NAP1L4: variants seen among roughly 807,000 people sequenced by gnomAD.
The protein encoded by NAP1L4 is nucleosome assembly protein 1-like 4.
A neutral mutation model predicts 58.2 loss-of-function variants in NAP1L4; 15 were observed. That is an observed-to-expected ratio of 0.26 (90% CI 0.17 to 0.40). The LOEUF is 0.40. NAP1L4 is among the 10% of genes least tolerant of loss of function. NAP1L4 has a pLI of 1.00. For synonymous variants in NAP1L4, 171 were observed against 155.6 expected, an observed-to-expected ratio of 1.10 and a Z score of -0.74; for missense variants, 384 against 451.1, an observed-to-expected ratio of 0.85 and a Z score of 1.35.
At chr11:2,952,337 C>A (rs1846276997) in intron 12 of NAP1L4, 1 of 154,442 alleles carries the variant, frequency 6.5e-6, no homozygotes, top group Non-Finnish European at 1.4e-5. Flanking sequence ...TGAACCTCCA[C>A]CATTAGTCAA....
intron 8 of NAP1L4, 42 bp downstream of exon 8, chr11:2,964,638 G>C (rs1236572951): frequency 6.5e-7 from 1 of 1,526,966 alleles, no homozygotes; most frequent in Admixed American, 1.7e-5. Context: ...TTTGTGGACT[G>C]ACCCTGTCTG....
At chr11:2,961,322 G>T (rs796684067) in intron 8 of NAP1L4, among the ~76,000 whole-genome samples, 11 of 152,218 alleles carry the variant, frequency 7.2e-5, no homozygotes, top group African/African-American at 2.6e-4. Context: ...AGCAGGATCT[G>T]GCTAGGAGCT....
In NAP1L4 at chr11:2,951,595, G is replaced by A. The variant is rs565760884; in HGVS notation, c.1065+185C>T. Among the ~76,000 whole-genome samples, 120 of 152,262 alleles carry A rather than the reference G, an allele frequency of 7.9e-4. No individual in the cohort carries two copies. Among genetic ancestry groups the A allele is most frequent in the African/African-American group, 2.8e-3 (115 of 41,548 alleles). ...ATGAACCAACTGCAGGGTCAAAAAC[G>A]ATGGAAACTGTCACAGCATTTGCTA... is the stretch of plus-strand genomic sequence containing the variant. On this transcript the variant is annotated intron_variant, in intron 13 of 15. Coordinates refer to ENST00000380542, the MANE Select transcript of NAP1L4 (RefSeq NM_005969.4). This position sits in a 1 kb window ranked among gnomAD's most constrained non-coding sequence, Gnocchi z 4.0.
rs139886428 is a variant in NAP1L4 at position 2,975,557 on chromosome 11, C to T, written c.173+467G>A. On this transcript the variant is annotated intron_variant, in intron 4 of 15. Coordinates refer to ENST00000380542, the MANE Select transcript of NAP1L4 (RefSeq NM_005969.4). ...ACCAGCCTAGGAAATACAGTGAGACCCCATCTTTTTTTTTTTCTTAAAGAC... is the reference window on the plus strand; with the variant it reads ...ACCAGCCTAGGAAATACAGTGAGACTCCATCTTTTTTTTTTTCTTAAAGAC... Among the ~76,000 whole-genome samples the T allele has an allele frequency of 2.9e-3, 440 of 152,018 alleles. 5 individuals carry two copies. Among genetic ancestry groups the T allele is most frequent in the African/African-American group, 0.01 (420 of 41,450 alleles).
In NAP1L4 at chr11:2,945,602, C is replaced by CTTCCTACT. The variant is rs1564969320; in HGVS notation, c.*76_*77insAGTAGGAA. The CTTCCTACT allele has an allele frequency of 2.1e-5, 33 of 1,536,046 alleles. No individual in the cohort carries two copies. Among genetic ancestry groups the CTTCCTACT allele is most frequent in the Non-Finnish European group, 2.9e-5 (33 of 1,146,858 alleles). Reference sequence around the variant, plus strand: ...AGCCGGTCTGCCAGGCACCCGCCTCCGCTTCCTACTGCTGCTTGCATTCCG... The same window carrying CTTCCTACT: ...AGCCGGTCTGCCAGGCACCCGCCTCCTTCCTACTGCTTCCTACTGCTGCTTGCATTCCG... On this transcript the variant is annotated 3_prime_UTR_variant, in exon 16 of 16. Transcript: ENST00000380542.
Position 2,951,887 on chromosome 11 carries a change from G to T in NAP1L4, c.1036-78C>A. 1 of 1,389,328 alleles carries T rather than the reference G, an allele frequency of 7.2e-7. No homozygotes were observed. The highest frequency in any genetic ancestry group is 1.0e-6 in the Non-Finnish European group (1 of 980,194). 86.1% of individuals were successfully genotyped at this position (1,389,328 alleles called of 1,614,324 possible). On this transcript the variant is annotated intron_variant, in intron 12 of 15. Coordinates refer to ENST00000380542, the MANE Select transcript of NAP1L4 (RefSeq NM_005969.4). This position sits in a 1 kb window ranked among gnomAD's most constrained non-coding sequence, Gnocchi z 4.0. ...GCCCAAGACACCAGTCCCATCAAGT[G>T]ACTCACTGACCAAGCCTAAGAGGAG...
At chr11:2,953,987 G>A (rs533327592) in intron 12 of NAP1L4, among the ~76,000 whole-genome samples, 4 of 152,216 alleles carry the variant, frequency 2.6e-5, no homozygotes, top group Non-Finnish European at 4.4e-5. Context: ...CTGTGCACCC[G>A]CAAGTTCTGA....
intron 7 of NAP1L4, among the ~76,000 whole-genome samples, chr11:2,965,624 T>G (rs1020625906): frequency 6.6e-6 from 1 of 152,150 alleles, no homozygotes; most frequent in Non-Finnish European, 1.5e-5. Flanking sequence ...TCTTGGTCAC[T>G]GCAAGCTCCG....
chr11:2,986,288 T>G (rs1190550825), intron 1 of NAP1L4, among the ~76,000 whole-genome samples: 1 of 151,162 alleles, frequency 6.6e-6, no homozygotes, highest in Non-Finnish European at 1.5e-5. Context: ...GCAGGAGAAC[T>G]GCTTGAACCT....
At chr11:2,968,607 T>G (rs1357138857) in intron 7 of NAP1L4, among the ~76,000 whole-genome samples, 2 of 152,182 alleles carry the variant, frequency 1.3e-5, no homozygotes, top group African/African-American at 4.8e-5. Flanking sequence ...GGCAGCAATG[T>G]GATACATTTG....
intron 8 of NAP1L4, among the ~76,000 whole-genome samples, chr11:2,963,098 C>CAAAAAAAAA (rs55650724): frequency 3.2e-4 from 31 of 97,020 alleles, no homozygotes; most frequent in Non-Finnish European, 4.4e-4. Context: ...GACTCGGTCT[C>CAAAAAAAAA]AAAAAAAAAA....
chr11:2,945,474 T>G lies in NAP1L4; in HGVS notation c.*205A>C. 1.4e-6 allele frequency: 1 copy of G among 728,816 alleles called. No homozygotes were observed. 45.1% of individuals were successfully genotyped at this position (728,816 alleles called of 1,614,324 possible). On this transcript the variant is annotated 3_prime_UTR_variant, in exon 16 of 16. Transcript: ENST00000380542. ...AATAAGGAAAAAGGAAAAGTGAAAGTGAAAATCATGCACTTGAAAACGAGT... is the reference window on the plus strand; with the variant it reads ...AATAAGGAAAAAGGAAAAGTGAAAGGGAAAATCATGCACTTGAAAACGAGT...
chr11:2,950,592 A>C (rs1024191388), intron 14 of NAP1L4, among the ~76,000 whole-genome samples: 1 of 152,248 alleles, frequency 6.6e-6, no homozygotes, highest in African/African-American at 2.4e-5. Flanking sequence ...AGAAACTCTT[A>C]TGATGCTGTA....
chr11:2,973,177 G>C (rs775524919), intron 4 of NAP1L4, among the ~76,000 whole-genome samples: 8 of 152,160 alleles, frequency 5.3e-5, no homozygotes, highest in Non-Finnish European at 1.2e-4. Flanking sequence ...GAGAAACACA[G>C]ACCACAGGCA....
chr11:2,972,292 G>C, intron 4 of NAP1L4, 49 bp from the exon 5 acceptor site: 2 of 1,495,506 alleles, frequency 1.3e-6, no homozygotes, highest in Non-Finnish European at 9.0e-7. Flanking sequence ...GCAAAATAAA[G>C]CAGCATGCTT....
At chr11:2,966,534 C>T (rs534542806) in intron 7 of NAP1L4, among the ~76,000 whole-genome samples, 1 of 152,298 alleles carries the variant, frequency 6.6e-6, no homozygotes, top group South Asian at 2.1e-4. Flanking sequence ...GTATTTCCCC[C>T]CTTTCTGTGC....
At position 2,949,927 on chromosome 11, in the gene NAP1L4, C is replaced by G. The variant is rs1846134376; in HGVS notation, c.1123-663G>C. 6.6e-6 allele frequency among the ~76,000 whole-genome samples: 1 copy of G among 152,222 alleles called. No individual in the cohort carries two copies. Among genetic ancestry groups the G allele is most frequent in the African/African-American group, 2.4e-5 (1 of 41,450 alleles). ...TGAGGAGGTGGCCCTGCCAATTGAC[C>G]CCAGTCCTTGCTTTACAACTGCAAC... is the stretch of plus-strand genomic sequence containing the variant. On this transcript the variant is annotated intron_variant, in intron 14 of 15. Coordinates refer to ENST00000380542, the MANE Select transcript of NAP1L4 (RefSeq NM_005969.4). The surrounding 1 kb of genome is among the most constrained non-coding windows in gnomAD (Gnocchi z 4.0).
chr11:2,962,937 T>C (rs146828544), intron 8 of NAP1L4, among the ~76,000 whole-genome samples: 3,012 of 151,032 alleles, frequency 0.02, 63 homozygotes, highest in Non-Finnish European at 0.028. Flanking sequence ...ACGTCTCTAC[T>C]AAAAATACAA....
In NAP1L4 at chr11:2,946,824, A is replaced by G. The variant is rs971231258; in HGVS notation, c.*33-1178T>C. Among the ~76,000 whole-genome samples, 4 of 152,246 alleles carry G rather than the reference A, an allele frequency of 2.6e-5. No homozygotes were observed. The highest frequency in any genetic ancestry group is 9.6e-5 in the African/African-American group (4 of 41,468). On this transcript the variant is annotated intron_variant, in intron 15 of 15. Coordinates refer to ENST00000380542, the MANE Select transcript of NAP1L4 (RefSeq NM_005969.4). This position sits in a 1 kb window ranked among gnomAD's most constrained non-coding sequence, Gnocchi z 4.8. The stretch of plus-strand genomic sequence containing the variant: ...AAAACCCTCGCCATGTCAATCTGAC[A>G]TTCAAGGGTAGACTGAAGGTGGCCC...
Sources: allele counts gnomAD v4.1 joint callset (sites outside exome capture counted in the v4.1 genomes callset), GRCh38; gene constraint gnomAD v4.1.1; non-coding constraint Gnocchi (gnomAD v3.1); transcripts MANE v1.5; gene names NCBI Gene and HGNC (gene_info 2026-07-23, HGNC 2026-07-21).